BACH2: variants seen among roughly 807,000 people sequenced by gnomAD.
The protein encoded by BACH2 is transcription regulator protein BACH2.
In BACH2, 5 loss-of-function variants were observed where a neutral mutation model predicts 61.8. That is an observed-to-expected ratio of 0.08 (90% CI 0.04 to 0.17). The LOEUF is 0.17. BACH2 is among the 10% of genes least tolerant of loss of function. BACH2 has a pLI of 1.00. For missense variants in BACH2, 824 were observed against 1,091.1 expected (o/e 0.76, Z 3.45); for synonymous variants, 446 against 440.1 (o/e 1.01, Z -0.17).
chr6:90,006,735 G>C (rs538273766), intron 6 of BACH2, among the ~76,000 whole-genome samples: 1 of 151,966 alleles, frequency 6.6e-6, no homozygotes, highest in African/African-American at 2.4e-5. Flanking sequence ...TCCCTCCTCA[G>C]CCTCCTGAGT....
At chr6:90,097,736 T>C (rs1373911748) in intron 4 of BACH2, among the ~76,000 whole-genome samples, 1 of 152,232 alleles carries the variant, frequency 6.6e-6, no homozygotes, top group Non-Finnish European at 1.5e-5. Context: ...CCAAGTACAT[T>C]TGTTTCGTTG....
At chr6:90,211,631 T>TGTGCGC (rs1491202011) in intron 3 of BACH2, among the ~76,000 whole-genome samples, 47 of 141,090 alleles carry the variant, frequency 3.3e-4, no homozygotes, top group African/African-American at 1.1e-3. Context: ...TGTGTGTGTG[T>TGTGCGC]GCTCTCCTGA....
intron 4 of BACH2, among the ~76,000 whole-genome samples, chr6:90,125,797 C>A (rs1213138951): frequency 2.0e-5 from 3 of 152,234 alleles, no homozygotes; most frequent in Non-Finnish European, 2.9e-5. Flanking sequence ...CTCTACTGAA[C>A]AAGTGGCAGG....
chr6:89,932,474 C>T lies in BACH2; in HGVS notation c.2460G>A (p.Val820=), dbSNP rs1772714540. Residue 820 remains valine, a synonymous_variant, in exon 9 of 9, where the codon GTG becomes GTA. Coordinates refer to ENST00000257749, the MANE Select transcript of BACH2 (RefSeq NM_021813.4). ...PLEPRSQTVT[V]DFCQEMTDKC... is the part of the protein sequence containing the mutation. ...TATCAGTCATTTCCTGGCAGAAGTC[C>T]ACGGTCACTGTTTGGCTCCTGGGTT... 6.2e-7 allele frequency: 1 copy of T among 1,613,962 alleles called. No homozygotes were observed. Among genetic ancestry groups the T allele is most frequent in the African/African-American group, 1.3e-5 (1 of 74,884 alleles).
At chr6:90,038,699 G>GAT (rs1462375193) in intron 5 of BACH2, among the ~76,000 whole-genome samples, 6 of 152,058 alleles carry the variant, frequency 3.9e-5, no homozygotes, top group Non-Finnish European at 8.8e-5. Flanking sequence ...TTTAAGCAAA[G>GAT]ATATATATAT....
At chr6:89,982,049 C>T (rs919864722) in intron 6 of BACH2, among the ~76,000 whole-genome samples, 2 of 151,774 alleles carry the variant, frequency 1.3e-5, no homozygotes, top group African/African-American at 2.4e-5. Flanking sequence ...CTGCTCACTG[C>T]AGCCTTTACC....
chr6:90,153,252 C>T (rs771485454), intron 4 of BACH2, among the ~76,000 whole-genome samples: 12 of 152,166 alleles, frequency 7.9e-5, no homozygotes, highest in Non-Finnish European at 1.8e-4. Context: ...TAGTCAAGAT[C>T]ATGAATCACA....
chr6:90,032,660 C>T (rs1779053466), intron 5 of BACH2, among the ~76,000 whole-genome samples: 2 of 152,214 alleles, frequency 1.3e-5, no homozygotes, highest in African/African-American at 2.4e-5. Flanking sequence ...CAATGAGATA[C>T]CATCTCACAT....
chr6:90,016,816 TTTTC>T (rs1181430720), intron 5 of BACH2, among the ~76,000 whole-genome samples: 1 of 152,134 alleles, frequency 6.6e-6, no homozygotes, highest in Non-Finnish European at 1.5e-5. Context: ...TGTTTTTTTT[TTTTC>T]TTTTCAGTAC....
chr6:89,960,683 G>C (rs757045884), intron 6 of BACH2, among the ~76,000 whole-genome samples: 1 of 152,212 alleles, frequency 6.6e-6, no homozygotes, highest in African/African-American at 2.4e-5. Context: ...ACCACATGGG[G>C]ATTTGGTAAA....
chr6:89,936,186 T>G (rs912280057), intron 8 of BACH2, among the ~76,000 whole-genome samples: 6 of 152,150 alleles, frequency 3.9e-5, no homozygotes, highest in Non-Finnish European at 7.4e-5. Flanking sequence ...GACAAATGTA[T>G]AGATAACTCA....
At chr6:90,194,555 C>A (rs545054251) in intron 4 of BACH2, among the ~76,000 whole-genome samples, 1 of 152,266 alleles carries the variant, frequency 6.6e-6, no homozygotes, top group South Asian at 2.1e-4. Context: ...TGATCCAAGA[C>A]AGAGATTGCA....
chr6:90,207,259 C>T (rs1769180633), intron 3 of BACH2, among the ~76,000 whole-genome samples: 1 of 152,040 alleles, frequency 6.6e-6, no homozygotes, highest in Admixed American at 6.5e-5. Flanking sequence ...GCTGGGGCTA[C>T]AGGCGTGCAC....
intron 5 of BACH2, among the ~76,000 whole-genome samples, chr6:90,082,660 T>C (rs1164155158): frequency 1.3e-5 from 2 of 152,214 alleles, no homozygotes; most frequent in Admixed American, 6.5e-5. Flanking sequence ...TTATAGGTAA[T>C]TTATCTCTAC....
intron 4 of BACH2, among the ~76,000 whole-genome samples, chr6:90,158,925 T>C (rs926718639): frequency 2.4e-4 from 36 of 152,234 alleles, no homozygotes; most frequent in Admixed American, 4.6e-4. Context: ...ATTTGATTTC[T>C]TAGCACTAAT....
At chr6:90,139,400 G>A (rs1445618173) in intron 4 of BACH2, among the ~76,000 whole-genome samples, 1 of 152,202 alleles carries the variant, frequency 6.6e-6, no homozygotes, top group Non-Finnish European at 1.5e-5. Context: ...GAGAAGGTGG[G>A]GAAAGGTCCC....
intron 1 of BACH2, among the ~76,000 whole-genome samples, chr6:90,283,709 A>C (rs1771931148): frequency 6.6e-6 from 1 of 152,120 alleles, no homozygotes; most frequent in Non-Finnish European, 1.5e-5. Context: ...ACTATTTTAT[A>C]AGAATTTTTT....
chr6:90,126,280 T>C (rs1485746243), intron 4 of BACH2, among the ~76,000 whole-genome samples: 2 of 152,136 alleles, frequency 1.3e-5, no homozygotes, highest in African/African-American at 4.8e-5. Flanking sequence ...ATGGGAACAA[T>C]AGATTATTAA....
chr6:90,029,376 T>C (rs1431530128), intron 5 of BACH2, among the ~76,000 whole-genome samples: 3 of 152,146 alleles, frequency 2.0e-5, no homozygotes, highest in Non-Finnish European at 4.4e-5. Context: ...GTAAATGTGA[T>C]GGCTCAATCC....
Sources: gnomAD v4.1 joint callset for allele counts (sites outside exome capture counted in the v4.1 genomes callset) on GRCh38, gnomAD v4.1.1 for gene constraint, MANE v1.5 for transcripts, NCBI Gene and HGNC (gene_info 2026-07-23, HGNC 2026-07-21) for gene names.